The following C11orf65 variants were observed in gnomAD, a reference collection of about 807,000 sequenced individuals.
The protein encoded by C11orf65 is chromosome 11 open reading frame 65, also known as protein MFI.
Under a neutral mutation model 35.3 loss-of-function variants are expected in C11orf65, and 38 were observed. The ratio of observed to expected loss-of-function variants is 1.08; its 90% CI spans 0.83 to 1.41. The LOEUF (loss-of-function observed/expected upper bound fraction) is 1.41. Among genes scored for constraint, C11orf65 ranks in the 40% most tolerant of loss-of-function variants. The pLI, the probability that C11orf65 is intolerant of heterozygous loss-of-function variation, is 0.00. For missense variants in C11orf65, 370 were observed against 367.1 expected, an observed-to-expected ratio of 1.01 and a Z score of -0.06; for synonymous variants, 105 against 114.4, an observed-to-expected ratio of 0.92 and a Z score of 0.53.
intron 6 of C11orf65, chr11:108,310,031 A>G (rs2084009431): frequency 1.1e-6 from 1 of 877,090 alleles, no homozygotes; most frequent in Non-Finnish European, 1.8e-6. Context: ...TATATTGGGG[A>G]AATGTGGTTT....
At chr11:108,348,862 A>C (rs1169136920) in intron 2 of C11orf65, among the ~76,000 whole-genome samples, 1 of 152,244 alleles carries the variant, frequency 6.6e-6, no homozygotes, top group African/African-American at 2.4e-5. Context: ...GTAGATGCTA[A>C]GAATCAGGAT....
At chr11:108,325,991 TA>T in intron 6 of C11orf65, 2 of 1,557,734 alleles carry the variant, frequency 1.3e-6, no homozygotes, top group Admixed American at 1.7e-5. Flanking sequence ...CTTTCATTAT[TA>T]TTATTATTCA....
chr11:108,442,947 G>C (rs1156903275), intron 2 of C11orf65, among the ~76,000 whole-genome samples: 1 of 152,120 alleles, frequency 6.6e-6, no homozygotes, highest in African/African-American at 2.4e-5. Flanking sequence ...CATAATGACA[G>C]GATCAAATTC....
chr11:108,361,454 G>A (rs2090742997), intron 2 of C11orf65, among the ~76,000 whole-genome samples: 1 of 151,772 alleles, frequency 6.6e-6, no homozygotes, highest in Non-Finnish European at 1.5e-5. Context: ...CTACTTTAAA[G>A]TTCATATGGA....
intron 2 of C11orf65, among the ~76,000 whole-genome samples, chr11:108,361,091 C>T (rs1289946407): frequency 6.8e-5 from 9 of 132,174 alleles, no homozygotes; most frequent in South Asian, 2.7e-4. Flanking sequence ...TAAGCAACTT[C>T]AGCAAAGTCT....
At chr11:108,407,931 CAAAAAAAAA>C (rs1215650401) in intron 3 of C11orf65, among the ~76,000 whole-genome samples, 1 of 22,674 alleles carries the variant, frequency 4.4e-5, no homozygotes, top group Non-Finnish European at 1.0e-4. Flanking sequence ...GACTCTGTCT[CAAAAAAAAA>C]AAAAAAAAAA....
intron 1 of C11orf65, 68 bp from the exon 2 acceptor site, chr11:108,461,636 A>G: frequency 1.8e-6 from 2 of 1,084,766 alleles, no homozygotes; most frequent in South Asian, 3.0e-5. Flanking sequence ...TTATTTATTT[A>G]TTTTTTTTAG....
At chr11:108,444,020 T>C (rs1163314380) in intron 2 of C11orf65, among the ~76,000 whole-genome samples, 1 of 151,962 alleles carries the variant, frequency 6.6e-6, no homozygotes, top group Non-Finnish European at 1.5e-5. Context: ...AAAAAATCAA[T>C]GAATCCAGGA....
intron 3 of C11orf65, among the ~76,000 whole-genome samples, chr11:108,422,093 C>T (rs557535187): frequency 6.6e-6 from 1 of 152,102 alleles, no homozygotes; most frequent in Non-Finnish European, 1.5e-5. Context: ...CCATGCCTGG[C>T]TAATTTTTGT....
chr11:108,403,409 G>T (rs1163868825), intron 6 of C11orf65, among the ~76,000 whole-genome samples: 2 of 67,304 alleles, frequency 3.0e-5, no homozygotes, highest in African/African-American at 1.2e-4. Context: ...TGTTTGAGAG[G>T]TTTTTTTTTT....
intron 3 of C11orf65, chr11:108,332,683 TTC>T: frequency 6.8e-7 from 1 of 1,470,198 alleles, no homozygotes. Flanking sequence ...AATTCTGTTT[TTC>T]TCTTTGTTTT....
intron 6 of C11orf65, among the ~76,000 whole-genome samples, chr11:108,314,750 A>C (rs137904706): frequency 6.6e-6 from 1 of 152,210 alleles, no homozygotes; most frequent in Non-Finnish European, 1.5e-5. Context: ...TATAAACAAC[A>C]CAATTTTGTA....
At chr11:108,342,031 G>A (rs909205369) in intron 2 of C11orf65, among the ~76,000 whole-genome samples, 2 of 152,142 alleles carry the variant, frequency 1.3e-5, no homozygotes, top group African/African-American at 4.8e-5. Context: ...CTACAGGATG[G>A]CTTTGAGTGC....
At chr11:108,323,612 A>G (rs960697658) in intron 6 of C11orf65, among the ~76,000 whole-genome samples, 5 of 152,224 alleles carry the variant, frequency 3.3e-5, no homozygotes, top group African/African-American at 7.2e-5. Context: ...CAATTACCCA[A>G]ATTTGATCAT....
intron 2 of C11orf65, among the ~76,000 whole-genome samples, chr11:108,437,361 G>A (rs1445134997): frequency 6.6e-6 from 1 of 152,008 alleles, no homozygotes; most frequent in Non-Finnish European, 1.5e-5. Flanking sequence ...AAATAAGGCT[G>A]CAGGAACAAA....
At chr11:108,353,958 G>A (rs2089542076) in intron 2 of C11orf65, 4 of 1,398,680 alleles carry the variant, frequency 2.9e-6, no homozygotes, top group Non-Finnish European at 4.0e-6. Context: ...CTTTGCACCT[G>A]TAATCCCAGC....
At chr11:108,380,883 G>A (rs1056177120), downstream of C11orf65, among the ~76,000 whole-genome samples, 1 of 152,090 alleles carries the variant, frequency 6.6e-6, no homozygotes. Flanking sequence ...CACTATCTAA[G>A]GACCTATAAA....
chr11:108,326,582 T>C (rs1365389255), downstream of C11orf65, among the ~76,000 whole-genome samples: 1 of 152,170 alleles, frequency 6.6e-6, no homozygotes. Flanking sequence ...AGAACTAAAT[T>C]AGAAAATAAA....
At chr11:108,317,539 A>G in intron 6 of C11orf65, 3 of 1,318,260 alleles carry the variant, frequency 2.3e-6, no homozygotes, top group East Asian at 2.8e-5. Context: ...ATTTGACTTG[A>G]TTTTTTTTTT....
Sources: allele counts gnomAD v4.1 joint callset (sites outside exome capture counted in the v4.1 genomes callset), GRCh38; gene constraint gnomAD v4.1.1; transcripts MANE v1.5; gene names NCBI Gene and HGNC (gene_info 2026-07-23, HGNC 2026-07-21).